Variants in MAML3 observed in about 807,000 individuals in gnomAD.
The protein encoded by MAML3 is mastermind like transcriptional coactivator 3, also known as mastermind-like protein 3.
Under a neutral mutation model 101.9 loss-of-function variants are expected in MAML3, and 27 were observed. The observed-to-expected ratio is 0.27, with a 90% CI of 0.20 to 0.37. The LOEUF (loss-of-function observed/expected upper bound fraction) is 0.37, where lower values mean the gene tolerates loss of function less well. MAML3 is among the 10% of genes least tolerant of loss of function. The pLI, the probability that MAML3 is intolerant of heterozygous loss-of-function variation, is 1.00. For missense variants in MAML3, 1,316 were observed against 1,444.9 expected (o/e 0.91, Z 1.45); for synonymous variants, 501 against 555.9 (o/e 0.90, Z 1.39).
At chr4:139,928,652 C>T (rs1044912063) in intron 1 of MAML3, among the ~76,000 whole-genome samples, 9 of 151,848 alleles carry the variant, frequency 5.9e-5, no homozygotes, top group Admixed American at 5.2e-4. Flanking sequence ...CAAGGCATGT[C>T]AAGGAAACAG....
At chr4:139,954,696 G>GT (rs1250194822) in intron 1 of MAML3, among the ~76,000 whole-genome samples, 20 of 152,050 alleles carry the variant, frequency 1.3e-4, no homozygotes, top group Non-Finnish European at 1.0e-4. Context: ...CTTTATTTTT[G>GT]TTTTTTTGAG....
At chr4:139,983,841 A>G (rs1734487297) in intron 1 of MAML3, among the ~76,000 whole-genome samples, 1 of 152,152 alleles carries the variant, frequency 6.6e-6, no homozygotes, top group African/African-American at 2.4e-5. Flanking sequence ...CATGGTCAAG[A>G]GTTTCAAGAG....
At chr4:140,087,774 C>T (rs771345070) in intron 1 of MAML3, among the ~76,000 whole-genome samples, 28 of 152,172 alleles carry the variant, frequency 1.8e-4, no homozygotes, top group African/African-American at 6.8e-4. Context: ...ACTACTCACA[C>T]TGCCTCTTTT....
chr4:139,863,749 A>G (rs769276623), intron 2 of MAML3, among the ~76,000 whole-genome samples: 15 of 152,014 alleles, frequency 9.9e-5, no homozygotes, highest in Non-Finnish European at 1.9e-4. Context: ...CTACAAATGT[A>G]ACAAGTTACA....
chr4:139,972,545 A>C (rs115717908), intron 1 of MAML3, among the ~76,000 whole-genome samples: 2,936 of 152,278 alleles, frequency 0.019, 120 homozygotes, highest in African/African-American at 0.066. Context: ...ACTTCCTGCA[A>C]AGTCAAGCCA....
At chr4:139,794,386 G>A (rs1429410521) in intron 2 of MAML3, 2 of 152,168 alleles carry the variant, frequency 1.3e-5, no homozygotes, top group African/African-American at 2.4e-5. Flanking sequence ...AATCAACCCA[G>A]GCCATCAGTG....
At chr4:139,755,245 C>A (rs769660868) in intron 2 of MAML3, among the ~76,000 whole-genome samples, 2 of 152,196 alleles carry the variant, frequency 1.3e-5, no homozygotes, top group African/African-American at 4.8e-5. Context: ...CTGGGAATGA[C>A]ATTAGAGAAA....
Position 140,153,434 on chromosome 4 carries a change from G to C in MAML3, c.-107C>G, listed in dbSNP as rs1159173893. 8.1e-7 allele frequency: 1 copy of C among 1,239,432 alleles called. No individual in the cohort carries two copies. Among genetic ancestry groups the C allele is most frequent in the Non-Finnish European group, 1.0e-6 (1 of 967,974 alleles). The allele number at this position is 1,239,432 out of a possible 1,614,324, so 76.8% of individuals were successfully genotyped here. ...AATAGTTTAAGTGGAACGCGGGGGAGACGCAAGCACATGGATGGAAACGGC... is the reference window on the plus strand; with the variant it reads ...AATAGTTTAAGTGGAACGCGGGGGACACGCAAGCACATGGATGGAAACGGC... On this transcript the variant is annotated 5_prime_UTR_variant, in exon 1 of 5. Transcript: ENST00000509479.
At chr4:140,151,409 G>A (rs1053277746) in intron 1 of MAML3, among the ~76,000 whole-genome samples, 7 of 151,894 alleles carry the variant, frequency 4.6e-5, no homozygotes, top group Non-Finnish European at 8.8e-5. Flanking sequence ...AGCGAGCACT[G>A]CGGCGTCGCC....
At chr4:139,934,003 ATGAG>A (rs1403222989) in intron 1 of MAML3, among the ~76,000 whole-genome samples, 2 of 152,026 alleles carry the variant, frequency 1.3e-5, no homozygotes, top group African/African-American at 4.8e-5. Flanking sequence ...CTATATGTGA[ATGAG>A]TATGTGAGTG....
At chr4:140,087,150 T>A (rs1368428305) in intron 1 of MAML3, among the ~76,000 whole-genome samples, 1 of 152,160 alleles carries the variant, frequency 6.6e-6, no homozygotes, top group Non-Finnish European at 1.5e-5. Context: ...AGAGTAAGAC[T>A]CCATCTCAAA....
At chr4:139,988,813 C>T (rs1005609391) in intron 1 of MAML3, among the ~76,000 whole-genome samples, 1 of 152,182 alleles carries the variant, frequency 6.6e-6, no homozygotes, top group African/African-American at 2.4e-5. Flanking sequence ...TCTGGACTAA[C>T]AAGCAACTCC....
At chr4:139,818,739 A>G (rs1249955415) in intron 2 of MAML3, among the ~76,000 whole-genome samples, 2 of 152,226 alleles carry the variant, frequency 1.3e-5, no homozygotes, top group African/African-American at 4.8e-5. Context: ...TATGGAAAGA[A>G]CTTAGTGTAA....
At chr4:140,073,047 G>T (rs1360125683) in intron 1 of MAML3, among the ~76,000 whole-genome samples, 1 of 152,036 alleles carries the variant, frequency 6.6e-6, no homozygotes, top group African/African-American at 2.4e-5. Flanking sequence ...GGAGGAGGAT[G>T]GCTGGTCATG....
At chr4:140,052,456 C>T (rs1727283297) in intron 1 of MAML3, among the ~76,000 whole-genome samples, 1 of 152,088 alleles carries the variant, frequency 6.6e-6, no homozygotes, top group East Asian at 1.9e-4. Context: ...TCACCTAGAC[C>T]CCGTGTAGGA....
At chr4:139,809,020 A>G (rs1290585322) in intron 2 of MAML3, among the ~76,000 whole-genome samples, 1 of 152,192 alleles carries the variant, frequency 6.6e-6, no homozygotes, top group African/African-American at 2.4e-5. Flanking sequence ...TTGGAGCCTG[A>G]GAGGCTCTCC....
At chr4:140,100,607 C>T (rs1728238476) in intron 1 of MAML3, among the ~76,000 whole-genome samples, 1 of 150,322 alleles carries the variant, frequency 6.7e-6, no homozygotes. Flanking sequence ...CAAATTCTGG[C>T]AAAACTAAGA....
intron 2 of MAML3, among the ~76,000 whole-genome samples, chr4:139,742,449 G>A (rs1008948109): frequency 4.6e-5 from 7 of 152,128 alleles, no homozygotes; most frequent in East Asian, 1.9e-4. Flanking sequence ...GCACCTGGCC[G>A]TCTTAAACTT....
intron 1 of MAML3, among the ~76,000 whole-genome samples, chr4:139,959,613 A>G (rs1289537791): frequency 6.6e-6 from 1 of 152,200 alleles, no homozygotes; most frequent in Non-Finnish European, 1.5e-5. Flanking sequence ...CAGGTATTGA[A>G]GTTTCCGGGG....
Sources: allele counts gnomAD v4.1 joint callset (sites outside exome capture counted in the v4.1 genomes callset), GRCh38; gene constraint gnomAD v4.1.1; transcripts MANE v1.5; gene names NCBI Gene and HGNC (gene_info 2026-07-23, HGNC 2026-07-21).